The following ZNF804A variants were observed in gnomAD, a reference collection of about 807,000 sequenced individuals.
The protein encoded by ZNF804A is zinc finger protein 804A.
A neutral mutation model predicts 16.5 loss-of-function variants in ZNF804A; 2 were observed. That is an observed-to-expected ratio of 0.12 (90% CI 0.05 to 0.38). The LOEUF is 0.38. Among genes scored for constraint, ZNF804A ranks in the 10% least tolerant of loss-of-function variants. The pLI, the probability that ZNF804A is intolerant of heterozygous loss-of-function variation, is 0.99. For synonymous variants in ZNF804A, 534 were observed against 489.6 expected (o/e 1.09, Z -1.20); for missense variants, 1,473 against 1,390.7 (o/e 1.06, Z -0.94).
At chr2:184,895,323 C>T (rs1004300749) in intron 2 of ZNF804A, among the ~76,000 whole-genome samples, 1 of 151,844 alleles carries the variant, frequency 6.6e-6, no homozygotes, top group African/African-American at 2.4e-5. Context: ...ACAGGGACCT[C>T]AAAGCATGAT....
chr2:184,725,471 A>G (rs550429901), intron 1 of ZNF804A, among the ~76,000 whole-genome samples: 1 of 151,624 alleles, frequency 6.6e-6, no homozygotes, highest in East Asian at 1.9e-4. Flanking sequence ...TCTAATAATA[A>G]TTTTCCACTG....
chr2:184,680,992 G>A (rs1692529697), intron 1 of ZNF804A, among the ~76,000 whole-genome samples: 1 of 152,240 alleles, frequency 6.6e-6, no homozygotes, highest in African/African-American at 2.4e-5. Flanking sequence ...GCCTGCACCT[G>A]TGCTGGCACC....
chr2:184,672,972 C>A (rs1033198670), intron 1 of ZNF804A, among the ~76,000 whole-genome samples: 7 of 152,066 alleles, frequency 4.6e-5, no homozygotes, highest in African/African-American at 1.7e-4. Flanking sequence ...TGGTCTTGAA[C>A]TCCCAACCTT....
At chr2:184,608,315 G>T (rs960440220) in intron 1 of ZNF804A, among the ~76,000 whole-genome samples, 11 of 152,120 alleles carry the variant, frequency 7.2e-5, no homozygotes, top group African/African-American at 2.4e-4. Flanking sequence ...GTATTTTCTG[G>T]ATAGTTTACT....
chr2:184,623,824 A>C (rs1691454473), intron 1 of ZNF804A, among the ~76,000 whole-genome samples: 1 of 152,212 alleles, frequency 6.6e-6, no homozygotes, highest in Non-Finnish European at 1.5e-5. Context: ...CAGCAAAACT[A>C]TTAATGAAGT....
intron 2 of ZNF804A, among the ~76,000 whole-genome samples, chr2:184,879,211 A>G (rs931851933): frequency 6.6e-6 from 1 of 151,966 alleles, no homozygotes; most frequent in Non-Finnish European, 1.5e-5. Flanking sequence ...AATATTTGCA[A>G]TCTTGGTAAT....
chr2:184,698,065 G>T (rs992298953), intron 1 of ZNF804A, among the ~76,000 whole-genome samples: 1 of 151,972 alleles, frequency 6.6e-6, no homozygotes, highest in African/African-American at 2.4e-5. Flanking sequence ...GATTTAATTT[G>T]AGTCTATTCA....
chr2:184,727,731 A>G (rs1056328006), intron 1 of ZNF804A, among the ~76,000 whole-genome samples: 21 of 151,686 alleles, frequency 1.4e-4, no homozygotes, highest in Non-Finnish European at 1.9e-4. Context: ...AATAGGGGAT[A>G]CTCACATGCC....
intron 1 of ZNF804A, among the ~76,000 whole-genome samples, chr2:184,756,962 T>C (rs1406491220): frequency 1.3e-5 from 2 of 152,068 alleles, no homozygotes; most frequent in South Asian, 4.1e-4. Context: ...TCCATCTTTC[T>C]AAACAGTTAT....
At chr2:184,637,229 A>G (rs2105690813) in intron 1 of ZNF804A, among the ~76,000 whole-genome samples, 1 of 152,254 alleles carries the variant, frequency 6.6e-6, no homozygotes, top group East Asian at 1.9e-4. Flanking sequence ...ACTCCTGATA[A>G]TTATATAGTA....
intron 2 of ZNF804A, among the ~76,000 whole-genome samples, chr2:184,874,279 A>T (rs751592444): frequency 2.6e-4 from 40 of 152,138 alleles, no homozygotes; most frequent in Admixed American, 9.2e-4. Context: ...AGGAGACGTA[A>T]CCATGTGAAA....
intron 1 of ZNF804A, among the ~76,000 whole-genome samples, chr2:184,779,034 C>G (rs1360151534): frequency 6.6e-6 from 1 of 151,624 alleles, no homozygotes; most frequent in Non-Finnish European, 1.5e-5. Context: ...ATTTCTAATT[C>G]AACATCCACC....
At chr2:184,710,693 G>A (rs1693111381) in intron 1 of ZNF804A, among the ~76,000 whole-genome samples, 1 of 151,728 alleles carries the variant, frequency 6.6e-6, no homozygotes, top group East Asian at 1.9e-4. Context: ...GCCCCTAGCA[G>A]TCATCTTTCT....
chr2:184,903,490 A>T (rs1685218185), intron 2 of ZNF804A, among the ~76,000 whole-genome samples: 1 of 152,092 alleles, frequency 6.6e-6, no homozygotes, highest in Non-Finnish European at 1.5e-5. Context: ...GTAGTAGGTT[A>T]TACCACCTAG....
At chr2:184,861,801 G>A (rs1266530195) in intron 1 of ZNF804A, among the ~76,000 whole-genome samples, 1 of 152,102 alleles carries the variant, frequency 6.6e-6, no homozygotes, top group Non-Finnish European at 1.5e-5. Flanking sequence ...GATTGTCCTT[G>A]GGGTGTGGAT....
intron 1 of ZNF804A, among the ~76,000 whole-genome samples, chr2:184,806,384 ATG>A (rs1032635315): frequency 1.2e-4 from 19 of 152,056 alleles, no homozygotes; most frequent in African/African-American, 4.6e-4. Context: ...AAATAAATAA[ATG>A]TGTGTTTATT....
At chr2:184,615,410 G>A (rs1691303451) in intron 1 of ZNF804A, among the ~76,000 whole-genome samples, 3 of 152,262 alleles carry the variant, frequency 2.0e-5, no homozygotes, top group South Asian at 4.1e-4. Context: ...ATCCAGGTTT[G>A]CCAAAGACAG....
chr2:184,762,162 C>T (rs1001464609), intron 1 of ZNF804A, among the ~76,000 whole-genome samples: 1 of 150,704 alleles, frequency 6.6e-6, no homozygotes, highest in Non-Finnish European at 1.5e-5. Flanking sequence ...TCTGATTTCT[C>T]TGTTTTGGAT....
intron 1 of ZNF804A, among the ~76,000 whole-genome samples, chr2:184,798,006 ATGTG>A (rs58199746): frequency 0.094 from 12,458 of 133,160 alleles, 555 homozygotes; most frequent in African/African-American, 0.11. Flanking sequence ...TGGCTGATAT[ATGTG>A]TGTGTGTGTG....
Sources: allele counts gnomAD v4.1 joint callset (sites outside exome capture counted in the v4.1 genomes callset), GRCh38; gene constraint gnomAD v4.1.1; transcripts MANE v1.5; gene names NCBI Gene and HGNC (gene_info 2026-07-23, HGNC 2026-07-21).